The following NRXN3 variants were observed in gnomAD, a reference collection of about 807,000 sequenced individuals.
NRXN3 encodes the protein neurexin 3.
NRXN3 carries 32 observed loss-of-function variants against 137.6 expected under a neutral mutation model. The observed-to-expected ratio is 0.23, with a 90% CI of 0.18 to 0.31. The LOEUF (loss-of-function observed/expected upper bound fraction) is 0.31. Ranked by LOEUF, NRXN3 falls within the 10% of genes least tolerant of loss-of-function variation. The probability of loss-of-function intolerance (pLI) is 1.00; values close to 1 mark genes in which losing one functional copy is unlikely to be tolerated. For missense variants in NRXN3, 1,574 were observed against 2,062.5 expected, an observed-to-expected ratio of 0.76 and a Z score of 4.59; for synonymous variants, 798 against 784.5, an observed-to-expected ratio of 1.02 and a Z score of -0.29.
chr14:78,986,452 G>A (rs17094087), intron 14 of NRXN3, among the ~76,000 whole-genome samples: 10,412 of 152,082 alleles, frequency 0.068, 1,048 homozygotes, highest in African/African-American at 0.22. Context: ...CAGGCGGACC[G>A]AAAGAGTTTA....
At chr14:78,404,817 T>C (rs1351309908) in intron 4 of NRXN3, among the ~76,000 whole-genome samples, 1 of 152,152 alleles carries the variant, frequency 6.6e-6, no homozygotes, top group Non-Finnish European at 1.5e-5. Context: ...TGTTGATTGG[T>C]AGATAATTAT....
rs1275104219 is a variant in NRXN3 at position 79,475,781 on chromosome 14, G to A, written c.3444+8379G>A. 3.9e-5 allele frequency among the ~76,000 whole-genome samples: 6 copies of A among 152,132 alleles called. No individual in the cohort carries two copies. In the East Asian group the frequency reaches 9.7e-4, roughly 24 times the overall value. ...TAAGCAATGAATAAACTTTAATCAG[G>A]CCTCTGAAATTTGAAATGAAGCAAT... On this transcript the variant is annotated intron_variant, in intron 16 of 20. Coordinates refer to ENST00000335750, the MANE Select transcript of NRXN3 (RefSeq NM_001330195.2).
At chr14:78,567,460 C>A (rs745405744) in intron 4 of NRXN3, among the ~76,000 whole-genome samples, 6 of 152,178 alleles carry the variant, frequency 3.9e-5, no homozygotes, top group Non-Finnish European at 8.8e-5. Context: ...GCCTAGAGTG[C>A]AGCCCAGCCA....
At position 78,363,355 on chromosome 14, in the gene NRXN3, G is replaced by A. The variant is rs77388729; in HGVS notation, c.757+65495G>A. Among the ~76,000 whole-genome samples, 1,268 of 152,284 alleles carry A rather than the reference G, an allele frequency of 8.3e-3. 40 individuals carry two copies. The East Asian group carries it at 0.084, about 10-fold the overall frequency. On this transcript the variant is annotated intron_variant, in intron 4 of 20. Coordinates refer to ENST00000335750, the MANE Select transcript of NRXN3 (RefSeq NM_001330195.2). ...TTATTTCCTTTTAAAGATGGGCTAA[G>A]CAAGGGCAAAAAGAGTGATTAATGA...
chr14:79,221,124 G>A (rs1478166768), intron 15 of NRXN3, among the ~76,000 whole-genome samples: 2 of 152,086 alleles, frequency 1.3e-5, no homozygotes, highest in Non-Finnish European at 2.9e-5. Context: ...TGGTGTATAT[G>A]TGCCACATTT....
intron 15 of NRXN3, among the ~76,000 whole-genome samples, chr14:79,105,864 C>G (rs748473111): frequency 6.6e-6 from 1 of 151,966 alleles, no homozygotes; most frequent in African/African-American, 2.4e-5. Context: ...GATAAAAACA[C>G]GAATATTTAT....
intron 4 of NRXN3, among the ~76,000 whole-genome samples, chr14:78,600,737 A>C (rs1384923422): frequency 6.6e-6 from 1 of 152,218 alleles, no homozygotes; most frequent in Non-Finnish European, 1.5e-5. Context: ...CCAGCTTTCT[A>C]TTAGACATCT....
chr14:78,460,259 G>A (rs539842942), intron 4 of NRXN3, among the ~76,000 whole-genome samples: 2 of 152,182 alleles, frequency 1.3e-5, no homozygotes, highest in Non-Finnish European at 2.9e-5. Flanking sequence ...TGTCTTTTGG[G>A]GTTTTTGTGG....
chr14:78,959,031 C>T (rs2152973077), intron 11 of NRXN3, among the ~76,000 whole-genome samples: 1 of 152,224 alleles, frequency 6.6e-6, no homozygotes, highest in Non-Finnish European at 1.5e-5. Context: ...ATTTCTATGG[C>T]CTTTCCAGCA....
intron 19 of NRXN3, among the ~76,000 whole-genome samples, chr14:79,704,791 A>G (rs4486812): frequency 0.29 from 44,262 of 151,922 alleles, 7,145 homozygotes; most frequent in Admixed American, 0.47. Flanking sequence ...ATTGCACTCT[A>G]ATTTACTTGT....
At chr14:79,667,778 T>G (rs557979100) in intron 17 of NRXN3, among the ~76,000 whole-genome samples, 2 of 152,050 alleles carry the variant, frequency 1.3e-5, no homozygotes, top group Non-Finnish European at 2.9e-5. Flanking sequence ...CCCTATACAA[T>G]GCGGTGGTAG....
At chr14:79,320,424 A>G (rs1028626896) in intron 15 of NRXN3, among the ~76,000 whole-genome samples, 2 of 152,176 alleles carry the variant, frequency 1.3e-5, no homozygotes, top group Non-Finnish European at 2.9e-5. Flanking sequence ...CGCATTGTTA[A>G]TGGGTATATG....
intron 6 of NRXN3, among the ~76,000 whole-genome samples, chr14:78,665,580 G>C (rs1163303062): frequency 6.6e-6 from 1 of 152,198 alleles, no homozygotes; most frequent in Non-Finnish European, 1.5e-5. Context: ...CAATGAGATA[G>C]TGAGTTGGTC....
chr14:79,784,108 C>T (rs902497041), intron 19 of NRXN3, among the ~76,000 whole-genome samples: 1 of 152,134 alleles, frequency 6.6e-6, no homozygotes, highest in African/African-American at 2.4e-5. Flanking sequence ...GAGCCAAAAA[C>T]ATTTCTAACT....
chr14:79,711,739 C>T, intron 19 of NRXN3, among the ~76,000 whole-genome samples: 1 of 152,186 alleles, frequency 6.6e-6, no homozygotes, highest in East Asian at 1.9e-4. Context: ...CGAAGAACTG[C>T]CTTTGACTAT....
At chr14:79,426,806 C>G (rs534554924) in intron 15 of NRXN3, among the ~76,000 whole-genome samples, 1 of 152,100 alleles carries the variant, frequency 6.6e-6, no homozygotes, top group Non-Finnish European at 1.5e-5. Context: ...CACATAGATA[C>G]GACATTGGAA....
At chr14:78,307,481 A>G (rs899372473) in intron 4 of NRXN3, among the ~76,000 whole-genome samples, 25 of 152,246 alleles carry the variant, frequency 1.6e-4, no homozygotes, top group African/African-American at 5.3e-4. Flanking sequence ...ACACCCAGGC[A>G]GTGTGGTTTT....
At chr14:79,093,881 T>C (rs959828604) in intron 15 of NRXN3, among the ~76,000 whole-genome samples, 4 of 146,044 alleles carry the variant, frequency 2.7e-5, no homozygotes, top group Non-Finnish European at 6.0e-5. Flanking sequence ...ACGAGTCATA[T>C]ATCATTCTGA....
At chr14:79,764,697 G>A (rs1397471302) in intron 19 of NRXN3, among the ~76,000 whole-genome samples, 1 of 151,858 alleles carries the variant, frequency 6.6e-6, no homozygotes, top group East Asian at 1.9e-4. Context: ...CCATGTTACT[G>A]TTATGCAGAG....
Sources: allele counts gnomAD v4.1 joint callset (sites outside exome capture counted in the v4.1 genomes callset), GRCh38; gene constraint gnomAD v4.1.1; transcripts MANE v1.5; gene names NCBI Gene and HGNC (gene_info 2026-07-23, HGNC 2026-07-21).